The following CACNA1D variants were observed in gnomAD, a reference collection of about 807,000 sequenced individuals.
CACNA1D encodes the protein calcium voltage-gated channel subunit alpha1 D.
In CACNA1D, 55 loss-of-function variants were observed where a neutral mutation model predicts 257.1. That is an observed-to-expected ratio of 0.21 (90% CI 0.17 to 0.27). CACNA1D has a LOEUF of 0.27. CACNA1D is among the 10% of genes least tolerant of loss of function. The pLI, the probability that CACNA1D is intolerant of heterozygous loss-of-function variation, is 1.00. For synonymous variants in CACNA1D, 980 were observed against 1,014.9 expected (o/e 0.97, Z 0.65); for missense variants, 1,876 against 2,784.0 (o/e 0.67, Z 7.34).
chr3:53,748,994 A>G, intron 26 of CACNA1D: 1 of 568,262 alleles, frequency 1.8e-6, no homozygotes, highest in Non-Finnish European at 3.2e-6. Flanking sequence ...CTGAATAGAA[A>G]GGAGTGTTTT....
rs2094346474 is a variant in CACNA1D at position 53,673,606 on chromosome 3, TAGG to T, written c.1220+483_1220+485del. On this transcript the variant is annotated intron_variant, in intron 8 of 47. Coordinates refer to ENST00000350061, the MANE Select transcript of CACNA1D (RefSeq NM_001128840.3). The surrounding 1 kb of genome is among the most constrained non-coding windows in gnomAD (Gnocchi z 4.1). ...AAGGACCTAGGCCCAGTCCCTGTCC[TAGG>T]AGCACTAACCTTCAGCAAAGCACTG... 1.2e-6 allele frequency: 1 copy of T among 835,940 alleles called. No homozygotes were observed. Among genetic ancestry groups the T allele is most frequent in the Admixed American group, 1.8e-5 (1 of 56,478 alleles). The allele number at this position is 835,940 out of a possible 1,614,324, so 51.8% of individuals were successfully genotyped here. A position where few individuals can be genotyped will look rare whatever the true frequency, so the allele number is the denominator to read the frequency against.
chr3:53,776,949 C>A lies in CACNA1D; in HGVS notation c.4580C>A (p.Ala1527Glu). 1 of 1,612,116 alleles carries A rather than the reference C, an allele frequency of 6.2e-7. No homozygotes were observed. The highest frequency in any genetic ancestry group is 8.5e-7 in the Non-Finnish European group (1 of 1,178,200). Residue 1527 changes from alanine to glutamate, a missense_variant, in exon 37 of 48, where the codon GCG (alanine) becomes GAG (glutamate). This residue lies in a region of CACNA1D where 83 missense variants were observed against 210.7 expected (regional missense o/e 0.39). Transcript: ENST00000350061. ...GGGAAGTTATGTCCACACAGGGTAG[C>A]GTGCAAGGTGAGTGTCCTGTGTGCG... is the stretch of plus-strand genomic sequence containing the variant. ...GFGKLCPHRV[A>E]CKRLVAMNMP...
At chr3:53,613,280 A>G (rs1253205433) in intron 3 of CACNA1D, among the ~76,000 whole-genome samples, 1 of 152,220 alleles carries the variant, frequency 6.6e-6, no homozygotes. Context: ...TTTTGACCAC[A>G]AAGAAGATGG....
At chr3:53,520,417 C>T (rs2091506879) in intron 3 of CACNA1D, among the ~76,000 whole-genome samples, 2 of 152,160 alleles carry the variant, frequency 1.3e-5, no homozygotes, top group African/African-American at 4.8e-5. Flanking sequence ...TTTTCATGTG[C>T]TTATTAGCCG....
chr3:53,685,759 A>G (rs1040828928), intron 8 of CACNA1D, among the ~76,000 whole-genome samples: 5 of 152,160 alleles, frequency 3.3e-5, no homozygotes, highest in Admixed American at 3.3e-4. Context: ...ATAAAATCCA[A>G]CTGGGAAATT....
At chr3:53,802,659 G>A (rs577884508) in intron 43 of CACNA1D, among the ~76,000 whole-genome samples, 5 of 152,318 alleles carry the variant, frequency 3.3e-5, no homozygotes, top group South Asian at 4.1e-4. Flanking sequence ...AATTGTGGGC[G>A]GAATGCCCAT....
At chr3:53,574,571 A>C (rs2093003066) in intron 3 of CACNA1D, among the ~76,000 whole-genome samples, 1 of 152,176 alleles carries the variant, frequency 6.6e-6, no homozygotes, top group South Asian at 2.1e-4. Context: ...TTCTTCTCAC[A>C]AGCTGGTTAA....
chr3:53,779,887 T>C lies in CACNA1D; in HGVS notation c.4588-139T>C, dbSNP rs956094613. 6 of 719,852 alleles carry C rather than the reference T, an allele frequency of 8.3e-6. No homozygotes were observed. In the African/African-American group the frequency reaches 1.0e-4, roughly 13 times the overall value. The allele number at this position is 719,852 out of a possible 1,614,324, so 44.6% of individuals were successfully genotyped here. On this transcript the variant is annotated intron_variant, in intron 37 of 47. Coordinates refer to ENST00000350061, the MANE Select transcript of CACNA1D (RefSeq NM_001128840.3). Reference sequence around the variant, plus strand: ...ACACCTAAATTAACCATCATATGCGTACCCCCAAATGGCTGTTGAATGGAA... The same window carrying C: ...ACACCTAAATTAACCATCATATGCGCACCCCCAAATGGCTGTTGAATGGAA...
chr3:53,791,327 TGA>T (rs1576678309), intron 40 of CACNA1D: 1 of 304,842 alleles, frequency 3.3e-6, no homozygotes, highest in East Asian at 6.0e-5. Flanking sequence ...AGGGAAAGAG[TGA>T]GAGAGAGCAA....
chr3:53,685,663 G>A lies in CACNA1D; in HGVS notation c.1220+12537G>A, dbSNP rs75934766. Among the ~76,000 whole-genome samples, 635 of 152,142 alleles carry A rather than the reference G, an allele frequency of 4.2e-3. 24 individuals carry two copies. In the East Asian group the frequency reaches 0.084, roughly 20 times the overall value. On this transcript the variant is annotated intron_variant, in intron 8 of 47. Transcript: ENST00000350061. The stretch of plus-strand genomic sequence containing the variant: ...GATTTAAAACAGAAGCCAATAACAG[G>A]CTGTTTATAAACCTTCCCAAATGTT...
intron 2 of CACNA1D, among the ~76,000 whole-genome samples, chr3:53,501,326 G>A (rs960772747): frequency 5.3e-5 from 8 of 152,206 alleles, no homozygotes; most frequent in African/African-American, 1.9e-4. Context: ...CTAATTGGAT[G>A]TACTTTTAGG....
At position 53,541,547 on chromosome 3, in the gene CACNA1D, A is replaced by G. The variant is rs17053156; in HGVS notation, c.483+39827A>G. ...ACTGTCGATGCTCTTTGTGACAGCTAACGTGAGGGCTCTCCGGCTCCTGAG... is the reference window on the plus strand; with the variant it reads ...ACTGTCGATGCTCTTTGTGACAGCTGACGTGAGGGCTCTCCGGCTCCTGAG... On this transcript the variant is annotated intron_variant, in intron 3 of 47. Coordinates refer to ENST00000350061, the MANE Select transcript of CACNA1D (RefSeq NM_001128840.3). Among the ~76,000 whole-genome samples, 1,237 of 152,288 alleles carry G rather than the reference A, an allele frequency of 8.1e-3. 93 individuals carry two copies. The South Asian group carries it at 0.16, about 20-fold the overall frequency.
At chr3:53,640,986 C>T (rs1340088440) in intron 3 of CACNA1D, among the ~76,000 whole-genome samples, 1 of 142,974 alleles carries the variant, frequency 7.0e-6, no homozygotes, top group Non-Finnish European at 1.5e-5. Context: ...TTAGTCTTCC[C>T]TTAAAGGGTG....
chr3:53,530,257 A>G (rs2091904467), intron 3 of CACNA1D: 1 of 152,248 alleles, frequency 6.6e-6, no homozygotes, highest in Non-Finnish European at 1.5e-5. Flanking sequence ...CCTGGTTCCC[A>G]TAGTGATGGT....
At chr3:53,731,168 TC>T in intron 17 of CACNA1D, 22 bp downstream of exon 17, 1 of 1,529,176 alleles carries the variant, frequency 6.5e-7, no homozygotes, top group Non-Finnish European at 9.1e-7. Context: ...AAGATGCTTC[TC>T]CCCTTTTTGT....
At chr3:53,607,056 C>T (rs1418010262) in intron 3 of CACNA1D, among the ~76,000 whole-genome samples, 1 of 152,144 alleles carries the variant, frequency 6.6e-6, no homozygotes, top group East Asian at 1.9e-4. Context: ...AGAGTCTAAA[C>T]ATTGGAAACA....
intron 3 of CACNA1D, among the ~76,000 whole-genome samples, chr3:53,624,609 G>A (rs1203022964): frequency 6.6e-6 from 1 of 152,094 alleles, no homozygotes; most frequent in Non-Finnish European, 1.5e-5. Context: ...CCATTATATG[G>A]CACTTCACTT....
chr3:53,521,265 A>G lies in CACNA1D; in HGVS notation c.483+19545A>G, dbSNP rs530863623. ...GCTACGTTGCCCAAACTGGTCTTGA[A>G]ATCCTGGCCTCAAGCGATTCCCTGC... On this transcript the variant is annotated intron_variant, in intron 3 of 47. Transcript: ENST00000350061. Among the ~76,000 whole-genome samples, 25 of 152,182 alleles carry G rather than the reference A, an allele frequency of 1.6e-4. No homozygotes were observed. In the South Asian group the frequency reaches 5.2e-3, roughly 32 times the overall value.
chr3:53,788,032 A>G (rs2095464983), intron 40 of CACNA1D, among the ~76,000 whole-genome samples: 1 of 152,208 alleles, frequency 6.6e-6, no homozygotes, highest in Non-Finnish European at 1.5e-5. Flanking sequence ...TCCAGGGAAA[A>G]ATGCGCAGCG....
Sources: allele counts gnomAD v4.1 joint callset (sites outside exome capture counted in the v4.1 genomes callset), GRCh38; gene constraint gnomAD v4.1.1; regional missense constraint gnomAD v4.1.1; non-coding constraint Gnocchi (gnomAD v3.1); transcripts MANE v1.5; gene names NCBI Gene and HGNC (gene_info 2026-07-23, HGNC 2026-07-21).